The following ZMAT1 variants were observed in gnomAD, a reference collection of about 807,000 sequenced individuals.
The protein encoded by ZMAT1 is zinc finger matrin-type protein 1.
Under a neutral mutation model 18.5 loss-of-function variants are expected in ZMAT1, and 11 were observed. The observed-to-expected ratio is 0.59, with a 90% CI of 0.37 to 0.98. ZMAT1 has a LOEUF of 0.98. Ranked by LOEUF, ZMAT1 falls within the 50% of genes least tolerant of loss-of-function variation. The pLI, the probability that ZMAT1 is intolerant of heterozygous loss-of-function variation, is 0.01. For missense variants in ZMAT1, 525 were observed against 496.2 expected (o/e 1.06, Z -0.55); for synonymous variants, 211 against 176.4 (o/e 1.20, Z -1.55).
rs763010254 is a variant in ZMAT1, at chrX:101,883,337, T to C, written c.*173A>G. ...TTTCTCAGAGGTTAAGTTTGGGCTTTTTTTTTCCTTCTTTTAATTCAATTT... is the reference window on the plus strand; with the variant it reads ...TTTCTCAGAGGTTAAGTTTGGGCTTCTTTTTTCCTTCTTTTAATTCAATTT... On this transcript the variant is annotated 3_prime_UTR_variant, in exon 6 of 6. Coordinates refer to ENST00000651725, the MANE Select transcript of ZMAT1 (RefSeq NM_001394560.1). 6.7e-5 allele frequency: 23 copies of C among 345,548 alleles called. No individual in the cohort carries two copies. The Admixed American group carries it at 7.8e-4, about 12-fold the overall frequency. 28.5% of individuals were successfully genotyped at this position (345,548 alleles called of 1,213,427 possible).
chrX:101,884,203 T>C lies in ZMAT1; in HGVS notation c.1395A>G (p.Leu465=), dbSNP rs1300131772. The C allele has an allele frequency of 2.5e-6, 3 of 1,210,068 alleles. No individual in the cohort carries two copies. The highest frequency in any genetic ancestry group is 3.4e-6 in the Non-Finnish European group (3 of 895,096). The change falls in exon 6 of 6, where the codon CTA becomes CTG. Residue 465 remains leucine (L), a synonymous_variant. Coordinates refer to ENST00000651725, the MANE Select transcript of ZMAT1 (RefSeq NM_001394560.1). The part of the protein sequence containing the change: ...DYIKVQKARG[L]EPKTCFRKIG... ...TCTTTCTGAAACAAGTTTTTGGCTC[T>C]AGTCCTCTGGCTTTCTGCACTTTTA...
At chrX:101,906,383 C>T (rs1039928018) in intron 1 of ZMAT1, among the ~76,000 whole-genome samples, 1 of 112,123 alleles carries the variant, frequency 8.9e-6, no homozygotes, top group Non-Finnish European at 1.9e-5. Context: ...CAGCCCTAGT[C>T]ATAAGGCTGG....
At chrX:101,899,825 T>G (rs778294959) in intron 2 of ZMAT1, among the ~76,000 whole-genome samples, 1 of 112,061 alleles carries the variant, frequency 8.9e-6, no homozygotes. Flanking sequence ...TAGCCAGTAG[T>G]GGGATTGCTG....
rs138810471 is a variant in ZMAT1 at position 101,883,614 on chromosome X, G to T, written c.1984C>A (p.Pro662Thr). The T allele has an allele frequency of 8.3e-7, 1 of 1,206,687 alleles. No homozygotes were observed. The highest frequency in any genetic ancestry group is 1.1e-6 in the Non-Finnish European group (1 of 893,949). The part of the protein sequence containing the change: ...HRKKKKSHDV[P>T]SEKEERKHRK... ...TGCTTACGTTCTTCTTTCTCGGAGG[G>T]TACATCATGGCTTTTTTTCTTTTTT... is the stretch of plus-strand genomic sequence containing the variant. The change falls in exon 6 of 6, where the codon CCC (proline) becomes ACC (threonine). Residue 662 changes from proline to threonine, a missense_variant. Coordinates refer to ENST00000651725, the MANE Select transcript of ZMAT1 (RefSeq NM_001394560.1).
At chrX:101,916,406 A>T (rs1476004859) in intron 1 of ZMAT1, among the ~76,000 whole-genome samples, 1 of 112,011 alleles carries the variant, frequency 8.9e-6, no homozygotes. Context: ...AGTAAAATTT[A>T]AAAAATTTAA....
chrX:101,904,857 A>C (rs1323427589), intron 1 of ZMAT1, among the ~76,000 whole-genome samples: 1 of 111,415 alleles, frequency 9.0e-6, no homozygotes, highest in Non-Finnish European at 1.9e-5. Context: ...GGCTGAGATG[A>C]TCACTTGAGC....
chrX:101,919,579 C>T (rs749701980), intron 1 of ZMAT1, among the ~76,000 whole-genome samples: 7 of 111,114 alleles, frequency 6.3e-5, no homozygotes, highest in Non-Finnish European at 1.3e-4. Context: ...AGATGTGTAC[C>T]GAAAGAACTA....
rs867675726 is a variant in ZMAT1, at chrX:101,928,749, T to C, written c.292+2968A>G. Among the ~76,000 whole-genome samples, 9 of 112,463 alleles carry C rather than the reference T, an allele frequency of 8.0e-5. No homozygotes were observed. The South Asian group carries it at 1.1e-3, about 14-fold the overall frequency. On this transcript the variant is annotated intron_variant, in intron 1 of 5. Transcript: ENST00000651725. ...GACAAATGATAGTCTTGTTAGGGCA[T>C]TGCTACACAAACGGATTAATAGCTA...
chrX:101,924,505 T>C (rs1245653321), intron 1 of ZMAT1, among the ~76,000 whole-genome samples: 1 of 112,321 alleles, frequency 8.9e-6, no homozygotes, highest in African/African-American at 3.2e-5. Flanking sequence ...CTTTAAAATA[T>C]ACAGGAATTT....
At chrX:101,927,707 CT>C (rs1930140498) in intron 1 of ZMAT1, among the ~76,000 whole-genome samples, 1 of 112,082 alleles carries the variant, frequency 8.9e-6, no homozygotes, top group Non-Finnish European at 1.9e-5. Flanking sequence ...ATTAACACAC[CT>C]GATCCCATGA....
intron 4 of ZMAT1, chrX:101,894,552 T>C: frequency 1.6e-6 from 1 of 606,249 alleles, no homozygotes; most frequent in Non-Finnish European, 2.0e-6. Context: ...ATCTAATACT[T>C]GACAGAAAGG....
chrX:101,886,329 A>C lies in ZMAT1; in HGVS notation c.776+303T>G, dbSNP rs1265843953. 2.7e-5 allele frequency among the ~76,000 whole-genome samples: 3 copies of C among 111,612 alleles called. No individual in the cohort carries two copies. In the East Asian group the frequency reaches 8.5e-4, roughly 32 times the overall value. The stretch of plus-strand genomic sequence containing the variant: ...CCCTGGAACCAAGCAAACCTTCCAG[A>C]AATTCTCTGCATTTGTATGGTTAGT... On this transcript the variant is annotated intron_variant, in intron 5 of 5. Coordinates refer to ENST00000651725, the MANE Select transcript of ZMAT1 (RefSeq NM_001394560.1).
chrX:101,907,325 G>A (rs915308490), intron 1 of ZMAT1, among the ~76,000 whole-genome samples: 1 of 111,990 alleles, frequency 8.9e-6, no homozygotes, highest in African/African-American at 3.3e-5. Flanking sequence ...GTCCATCCCA[G>A]TGGATTCAGG....
At position 101,931,512 on chromosome X, in the gene ZMAT1, G is replaced by A. The variant is rs774805842; in HGVS notation, c.292+205C>T. On this transcript the variant is annotated intron_variant, in intron 1 of 5. Coordinates refer to ENST00000651725, the MANE Select transcript of ZMAT1 (RefSeq NM_001394560.1). The stretch of plus-strand genomic sequence containing the variant: ...GCCCCCATCCTTTACAGGTGGGAGA[G>A]GTAGGGAAGGCCCTCTCTGCTTCAG... 9.5e-4 allele frequency: 712 copies of A among 750,042 alleles called. 1 individual carries two copies. Among genetic ancestry groups the A allele is most frequent in the Admixed American group, 1.6e-3 (18 of 11,352 alleles). 61.8% of individuals were successfully genotyped at this position (750,042 alleles called of 1,213,427 possible). A position where few individuals can be genotyped will look rare whatever the true frequency, so the allele number is the denominator to read the frequency against.
chrX:101,902,305 T>C (rs776724199), intron 2 of ZMAT1, among the ~76,000 whole-genome samples: 1 of 111,984 alleles, frequency 8.9e-6, no homozygotes, highest in South Asian at 3.7e-4. Context: ...TCTAATTGAT[T>C]TGTAGTCCTT....
intron 4 of ZMAT1, among the ~76,000 whole-genome samples, chrX:101,891,108 T>G (rs1426485918): frequency 9.0e-6 from 1 of 111,117 alleles, no homozygotes; most frequent in Non-Finnish European, 1.9e-5. Context: ...AGAGTAAGCC[T>G]AGAAGTAAGG....
At chrX:101,927,142 TAAATAG>T (rs1439662091) in intron 1 of ZMAT1, among the ~76,000 whole-genome samples, 1 of 112,358 alleles carries the variant, frequency 8.9e-6, no homozygotes, top group Non-Finnish European at 1.9e-5. Flanking sequence ...CATTCTTGAT[TAAATAG>T]AATTAAAAAA....
chrX:101,901,861 T>C (rs1928255817), intron 2 of ZMAT1, among the ~76,000 whole-genome samples: 1 of 112,526 alleles, frequency 8.9e-6, no homozygotes, highest in Non-Finnish European at 1.9e-5. Flanking sequence ...AGTTCATTCA[T>C]GCTATAATAT....
chrX:101,895,783 G>A lies in ZMAT1; in HGVS notation c.676+2085C>T. 4 of 723,463 alleles carry A rather than the reference G, an allele frequency of 5.5e-6. No homozygotes were observed. The South Asian group carries it at 2.8e-4, about 51-fold the overall frequency. The allele number at this position is 723,463 out of a possible 1,213,427, so 59.6% of individuals were successfully genotyped here. Reference sequence around the variant, plus strand: ...ATTCAAACCCAAATCACTGCTGGGAGAGGAAGGCATAGTCTTGTCTTTAAT... The same window carrying A: ...ATTCAAACCCAAATCACTGCTGGGAAAGGAAGGCATAGTCTTGTCTTTAAT... On this transcript the variant is annotated intron_variant, in intron 4 of 5. Transcript: ENST00000651725.
Sources: allele counts gnomAD v4.1 joint callset (sites outside exome capture counted in the v4.1 genomes callset), GRCh38; gene constraint gnomAD v4.1.1; transcripts MANE v1.5; gene names NCBI Gene and HGNC (gene_info 2026-07-23, HGNC 2026-07-21).